MPP3: variants seen among roughly 807,000 people sequenced by gnomAD.
MPP3 encodes MAGUK p55 scaffold protein 3, also known as MAGUK p55 subfamily member 3.
In MPP3, 48 loss-of-function variants were observed where a neutral mutation model predicts 80.7. The ratio of observed to expected loss-of-function variants is 0.59; its 90% confidence interval spans 0.47 to 0.76. The LOEUF (loss-of-function observed/expected upper bound fraction) is 0.76. Ranked by LOEUF, MPP3 falls within the 30% of genes least tolerant of loss-of-function variation. MPP3 has a pLI of 0.00. For missense variants in MPP3, 620 were observed against 763.0 expected, an observed-to-expected ratio of 0.81 and a Z score of 2.21; for synonymous variants, 311 against 297.6, an observed-to-expected ratio of 1.04 and a Z score of -0.46.
Position 43,814,209 on chromosome 17 carries a change from C to T in MPP3, c.1162G>A (p.Val388Met), listed in dbSNP as rs761466135. 6.2e-7 allele frequency: 1 copy of T among 1,613,448 alleles called. No individual in the cohort carries two copies. Among genetic ancestry groups the T allele is most frequent in the Non-Finnish European group, 8.5e-7 (1 of 1,179,776 alleles). The change falls in exon 15 of 20, where the codon GTG becomes ATG. Residue 388 changes from valine (V) to methionine (M), a missense_variant. Physicochemically the swap from Val to Met is conservative, Grantham distance 21. Transcript: ENST00000398389. ...GGATGGCACCTACCGATCAGAACCA[C>T]CAGGCGGGGCCGCTCTCCGGGCTGG... is the stretch of plus-strand genomic sequence containing the variant. ...QHQPGERPRL[V>M]VLIGSLGARL...
chr17:43,804,767 A>G (rs1289100207), intron 19 of MPP3, among the ~76,000 whole-genome samples: 2 of 152,240 alleles, frequency 1.3e-5, no homozygotes, highest in South Asian at 4.1e-4. Flanking sequence ...GGTGCCTCCC[A>G]GCACTTTGGG....
intron 16 of MPP3, chr17:43,811,540 C>A: frequency 4.0e-6 from 1 of 247,172 alleles, no homozygotes; most frequent in East Asian, 9.4e-5. Context: ...CAGCTTATAC[C>A]CTTAACCACT....
chr17:43,806,679 G>C (rs893618896), intron 19 of MPP3, among the ~76,000 whole-genome samples: 1 of 151,764 alleles, frequency 6.6e-6, no homozygotes, highest in Non-Finnish European at 1.5e-5. Flanking sequence ...GCGCAATCTC[G>C]GCTCATTGCA....
chr17:43,826,887 G>A (rs1007878228), intron 8 of MPP3, among the ~76,000 whole-genome samples: 4 of 149,492 alleles, frequency 2.7e-5, no homozygotes, highest in Non-Finnish European at 4.4e-5. Flanking sequence ...CCACTCTAGA[G>A]TGTAGTGGTG....
Position 43,814,031 on chromosome 17 carries a change from T to A in MPP3, c.1235A>T (p.His412Leu). ...CTTACGTGGAACAGCGACGCCAAAG[T>A]GCTGTGGGTTCTCAGCCACCACCTT... Reference protein sequence around the residue: ...KQKVVAENPQHFGVAVPHTTR... With the variant: ...KQKVVAENPQLFGVAVPHTTR... Residue 412 changes from histidine to leucine, a missense_variant, in exon 16 of 20, where the codon CAC becomes CTC. His to Leu is a moderately conservative substitution (Grantham distance 99, BLOSUM62 -3). Coordinates refer to ENST00000398389, the MANE Select transcript of MPP3 (RefSeq NM_001932.6). 1 of 1,613,122 alleles carries A rather than the reference T, an allele frequency of 6.2e-7. No individual in the cohort carries two copies. Among genetic ancestry groups the A allele is most frequent in the Non-Finnish European group, 8.5e-7 (1 of 1,179,408 alleles).
intron 12 of MPP3, 156 bp downstream of exon 12, chr17:43,817,890 T>G: frequency 1.2e-5 from 3 of 258,356 alleles, no homozygotes; most frequent in Non-Finnish European, 1.5e-5. Flanking sequence ...GCCCCCCACC[T>G]CCTACTTCCC....
intron 14 of MPP3, chr17:43,814,592 G>A: frequency 2.3e-6 from 1 of 434,530 alleles, no homozygotes; most frequent in Non-Finnish European, 4.1e-6. Context: ...TACTTGGCAT[G>A]TGACTGACCT....
chr17:43,828,736 G>A (rs1567827268), intron 7 of MPP3, among the ~76,000 whole-genome samples: 1 of 152,202 alleles, frequency 6.6e-6, no homozygotes, highest in Non-Finnish European at 1.5e-5. Flanking sequence ...TTGCTAGAAA[G>A]AGAGGCCATC....
intron 16 of MPP3, 81 bp downstream of exon 16, chr17:43,813,930 G>T: frequency 8.6e-7 from 1 of 1,162,350 alleles, no homozygotes. Flanking sequence ...GTAAGGATTT[G>T]GATGGATCTG....
At chr17:43,803,193 G>GAT (rs1274233233) in intron 19 of MPP3, among the ~76,000 whole-genome samples, 9 of 151,956 alleles carry the variant, frequency 5.9e-5, no homozygotes, top group African/African-American at 1.7e-4. Flanking sequence ...CCATCCTATA[G>GAT]ACCTGTCTGC....
intron 13 of MPP3, among the ~76,000 whole-genome samples, chr17:43,816,349 T>A (rs1343856956): frequency 1.3e-5 from 2 of 152,124 alleles, no homozygotes; most frequent in Non-Finnish European, 2.9e-5. Flanking sequence ...GTGAGCAGTG[T>A]GAATAGGGAG....
At chr17:43,814,126 G>C (rs2044996951) in intron 15 of MPP3, 35 bp from the exon 16 acceptor site, 1 of 1,604,918 alleles carries the variant, frequency 6.2e-7, no homozygotes, top group Non-Finnish European at 8.5e-7. Flanking sequence ...CAGGGTCCCT[G>C]CTGAGCTCCC....
At chr17:43,823,299 GC>G (rs1166325167) in intron 10 of MPP3, among the ~76,000 whole-genome samples, 1 of 151,996 alleles carries the variant, frequency 6.6e-6, no homozygotes. Flanking sequence ...CCACCACATA[GC>G]CCTTAACGTG....
In MPP3 at chr17:43,823,970, G is replaced by A. The variant is rs963613736; in HGVS notation, c.645C>T (p.Ile215=). 89 of 1,608,932 alleles carry A rather than the reference G, an allele frequency of 5.5e-5. No homozygotes were observed. The highest frequency in any genetic ancestry group is 7.3e-5 in the Non-Finnish European group (86 of 1,178,036). The part of the protein sequence containing the change: ...QSQGSITLKI[I]PATQEEDRLK... Reference sequence around the variant, plus strand: ...AGCGATCTTCCTCCTGGGTGGCTGGGATGATTTTTAGGGTGATGGATCCCT... The same window carrying A: ...AGCGATCTTCCTCCTGGGTGGCTGGAATGATTTTTAGGGTGATGGATCCCT... Residue 215 remains isoleucine (I), a synonymous_variant, in exon 10 of 20, where the codon ATC becomes ATT. Transcript: ENST00000398389.
rs921587153 is a variant in MPP3, at chr17:43,801,471, G to A, written c.*230C>T. 5.9e-6 allele frequency: 3 copies of A among 508,238 alleles called. No individual in the cohort carries two copies. Among genetic ancestry groups the A allele is most frequent in the Non-Finnish European group, 1.0e-5 (3 of 288,514 alleles). 31.5% of individuals were successfully genotyped at this position (508,238 alleles called of 1,614,324 possible). A position where few individuals can be genotyped will look rare whatever the true frequency, so the allele number is the denominator to read the frequency against. On this transcript the variant is annotated 3_prime_UTR_variant, in exon 20 of 20. Transcript: ENST00000398389. ...CCTGTGATACTTTAATAAATGAAAT[G>A]TGTTGTTTTCTGATATGCCCCTTTC...
chr17:43,820,267 TTTTG>T (rs2045367048), intron 11 of MPP3, among the ~76,000 whole-genome samples: 1 of 152,136 alleles, frequency 6.6e-6, no homozygotes, highest in Admixed American at 6.5e-5. Flanking sequence ...TATTTTTATA[TTTTG>T]TTTATCAGCA....
intron 7 of MPP3, among the ~76,000 whole-genome samples, chr17:43,829,190 T>C (rs960435407): frequency 1.3e-5 from 2 of 152,122 alleles, no homozygotes; most frequent in Non-Finnish European, 2.9e-5. Flanking sequence ...TGTCACACGT[T>C]TTCTATAAGG....
intron 10 of MPP3, among the ~76,000 whole-genome samples, chr17:43,822,447 C>G (rs2045504290): frequency 6.6e-6 from 1 of 152,026 alleles, no homozygotes; most frequent in African/African-American, 2.4e-5. Flanking sequence ...TCATTATGCT[C>G]TCCTTTTTGC....
intron 7 of MPP3, among the ~76,000 whole-genome samples, chr17:43,828,429 G>T (rs375843599): frequency 2.1e-4 from 32 of 152,348 alleles, no homozygotes; most frequent in African/African-American, 7.2e-4. Flanking sequence ...ACGGCAGAAA[G>T]CTTAAGAGCT....
Sources: gnomAD v4.1 joint callset for allele counts (sites outside exome capture counted in the v4.1 genomes callset) on GRCh38, gnomAD v4.1.1 for gene constraint, MANE v1.5 for transcripts, NCBI Gene and HGNC (gene_info 2026-07-23, HGNC 2026-07-21) for gene names.